Variants in PTPRG observed in about 807,000 individuals in gnomAD.
The protein encoded by PTPRG is receptor-type tyrosine-protein phosphatase gamma.
Under a neutral mutation model 165.3 loss-of-function variants are expected in PTPRG, and 102 were observed. The observed-to-expected ratio is 0.62, with a 90% CI of 0.53 to 0.73. The LOEUF is 0.73. PTPRG is among the 30% of genes least tolerant of loss of function. The pLI is 0.00. For synonymous variants in PTPRG, 675 were observed against 669.5 expected (o/e 1.01, Z -0.13); for missense variants, 1,866 against 1,861.4 (o/e 1.00, Z -0.05).
intron 1 of PTPRG, among the ~76,000 whole-genome samples, chr3:61,637,717 C>T (rs1401369204): frequency 6.6e-6 from 1 of 152,094 alleles, no homozygotes; most frequent in Non-Finnish European, 1.5e-5. Flanking sequence ...CCAGTGTTGC[C>T]AACTGTGGAT....
At chr3:61,976,968 G>A (rs1003974326) in intron 2 of PTPRG, among the ~76,000 whole-genome samples, 4 of 151,936 alleles carry the variant, frequency 2.6e-5, no homozygotes, top group African/African-American at 4.8e-5. Context: ...GAGCCACCGC[G>A]CCCAGCTTAT....
chr3:61,643,299 G>T (rs909450262), intron 1 of PTPRG, among the ~76,000 whole-genome samples: 1 of 151,984 alleles, frequency 6.6e-6, no homozygotes, highest in Non-Finnish European at 1.5e-5. Flanking sequence ...GAGAGACAGA[G>T]ACAGACAGAC....
chr3:61,891,090 T>TG (rs1251116333), intron 2 of PTPRG, among the ~76,000 whole-genome samples: 2 of 151,892 alleles, frequency 1.3e-5, no homozygotes, highest in Non-Finnish European at 2.9e-5. Flanking sequence ...GAGGCTGAGG[T>TG]GGGTGGATCA....
intron 2 of PTPRG, among the ~76,000 whole-genome samples, chr3:61,988,377 G>A (rs1007739009): frequency 6.6e-6 from 1 of 152,080 alleles, no homozygotes; most frequent in Non-Finnish European, 1.5e-5. Context: ...TACCAGTTTG[G>A]GGGGAATGGG....
chr3:61,877,411 C>T (rs1326792954), intron 2 of PTPRG, among the ~76,000 whole-genome samples: 4 of 152,136 alleles, frequency 2.6e-5, no homozygotes, highest in South Asian at 2.1e-4. Flanking sequence ...CTTAGGTTAC[C>T]GGCAGGGGGT....
At chr3:61,925,857 T>A (rs1412791165) in intron 2 of PTPRG, 2 of 486,370 alleles carry the variant, frequency 4.1e-6, no homozygotes, top group South Asian at 3.0e-5. Flanking sequence ...GCATGACTTA[T>A]TCCTTGGGAT....
chr3:61,816,879 A>G (rs2035777790), intron 2 of PTPRG, among the ~76,000 whole-genome samples: 1 of 150,244 alleles, frequency 6.7e-6, no homozygotes, highest in African/African-American at 2.4e-5. Flanking sequence ...TTGTATTGAC[A>G]TGTAGCTTTT....
intron 1 of PTPRG, among the ~76,000 whole-genome samples, chr3:61,605,444 C>A (rs1021695184): frequency 6.6e-6 from 1 of 151,654 alleles, no homozygotes; most frequent in Non-Finnish European, 1.5e-5. Context: ...TTAATAGAGA[C>A]GGGGTTTTGC....
At chr3:61,635,448 C>T (rs1195372918) in intron 1 of PTPRG, among the ~76,000 whole-genome samples, 1 of 151,604 alleles carries the variant, frequency 6.6e-6, no homozygotes, top group Non-Finnish European at 1.5e-5. Flanking sequence ...CCTTGGCCTC[C>T]CAGGTTCAAG....
intron 2 of PTPRG, among the ~76,000 whole-genome samples, chr3:61,914,725 A>G (rs1042397088): frequency 6.6e-6 from 1 of 152,224 alleles, no homozygotes; most frequent in African/African-American, 2.4e-5. Context: ...ATATCGAGGT[A>G]TAATTACCTC....
intron 1 of PTPRG, among the ~76,000 whole-genome samples, chr3:61,625,612 T>A (rs969705349): frequency 3.3e-5 from 5 of 151,972 alleles, no homozygotes; most frequent in Non-Finnish European, 7.4e-5. Flanking sequence ...CTCTTTAGAG[T>A]AGTGTTGATG....
rs565576379 is a variant in PTPRG, at chr3:62,197,171, CA to C, written c.1327+2006del. Among the ~76,000 whole-genome samples, 880 of 152,204 alleles carry C rather than the reference CA, an allele frequency of 5.8e-3. 7 individuals are homozygous for C. Among genetic ancestry groups the C allele is most frequent in the African/African-American group, 0.02 (829 of 41,530 alleles). On this transcript the variant is annotated intron_variant, in intron 10 of 29. Transcript: ENST00000474889. Reference sequence around the variant, plus strand: ...TGCTTGAACCTGTAGTTTCCCAATCCAAAAAGTGGCAGTATCCATAGTACCT... The same window carrying C: ...TGCTTGAACCTGTAGTTTCCCAATCCAAAAGTGGCAGTATCCATAGTACCT...
chr3:62,073,497 G>A (rs557428759), intron 4 of PTPRG, among the ~76,000 whole-genome samples: 1 of 148,002 alleles, frequency 6.8e-6, no homozygotes, highest in East Asian at 2.0e-4. Flanking sequence ...TTTTTTTTTT[G>A]AGACTGAGTC....
chr3:61,951,475 C>CT (rs2039897516), intron 2 of PTPRG, among the ~76,000 whole-genome samples: 1 of 152,124 alleles, frequency 6.6e-6, no homozygotes, highest in Non-Finnish European at 1.5e-5. Context: ...TTCAGGCAAC[C>CT]TTTTAAAGAA....
intron 5 of PTPRG, among the ~76,000 whole-genome samples, chr3:62,117,226 T>G (rs1702899005): frequency 6.6e-6 from 1 of 152,242 alleles, no homozygotes; most frequent in African/African-American, 2.4e-5. Flanking sequence ...TACAAAGGTT[T>G]CATCTGAAAA....
chr3:61,968,767 G>T (rs985463282), intron 2 of PTPRG, among the ~76,000 whole-genome samples: 3 of 152,182 alleles, frequency 2.0e-5, no homozygotes, highest in Non-Finnish European at 2.9e-5. Context: ...GGGAGGGAAT[G>T]ATATATGAGG....
At chr3:61,804,682 A>G (rs1003996780) in intron 2 of PTPRG, among the ~76,000 whole-genome samples, 15 of 150,286 alleles carry the variant, frequency 1.0e-4, no homozygotes, top group Admixed American at 4.6e-4. Context: ...CTCTCTCCAA[A>G]AAAAAAAAAA....
At chr3:62,197,469 C>T (rs1699993193) in intron 10 of PTPRG, among the ~76,000 whole-genome samples, 2 of 152,162 alleles carry the variant, frequency 1.3e-5, no homozygotes, top group Admixed American at 6.5e-5. Flanking sequence ...AGCATAGCTG[C>T]ATTTTTTTCC....
intron 12 of PTPRG, among the ~76,000 whole-genome samples, chr3:62,208,112 G>A (rs557532797): frequency 6.6e-6 from 1 of 152,324 alleles, no homozygotes; most frequent in South Asian, 2.1e-4. Flanking sequence ...CTCTACTGTA[G>A]TGTTGATTGC....
Sources: allele counts gnomAD v4.1 joint callset (sites outside exome capture counted in the v4.1 genomes callset), GRCh38; gene constraint gnomAD v4.1.1; transcripts MANE v1.5; gene names NCBI Gene and HGNC (gene_info 2026-07-23, HGNC 2026-07-21).